The following IL1R1 variants were observed in gnomAD, a reference collection of about 807,000 sequenced individuals.
The protein encoded by IL1R1 is interleukin 1 receptor type 1.
IL1R1 carries 22 observed loss-of-function variants against 50.2 expected under a neutral mutation model. That is an observed-to-expected ratio of 0.44 (90% confidence interval 0.31 to 0.63). The LOEUF (loss-of-function observed/expected upper bound fraction) is 0.63. IL1R1 is among the 20% of genes least tolerant of loss of function. The probability of loss-of-function intolerance (pLI) is 0.07; values close to 1 mark genes in which losing one functional copy is unlikely to be tolerated. For missense variants in IL1R1, 509 were observed against 676.2 expected (o/e 0.75, Z 2.74); for synonymous variants, 251 against 236.7 (o/e 1.06, Z -0.55).
In IL1R1 at chr2:102,172,031, CTTTTTTTTTTTTTT is replaced by C. The variant is rs35265416; in HGVS notation, c.839+125_839+138del. The C allele has an allele frequency of 2.5e-4, 22 of 88,542 alleles. 1 individual carries two copies. The highest frequency in any genetic ancestry group is 3.8e-4 in the Non-Finnish European group (19 of 49,920). 5.5% of individuals were successfully genotyped at this position (88,542 alleles called of 1,614,324 possible). A position where few individuals can be genotyped will look rare whatever the true frequency, so the allele number is the denominator to read the frequency against. ...GTTAGTTGCTCCTAACCTTTGCTGC[CTTTTTTTTTTTTTT>C]TTTTTTTTTTTGCTAAGCTAAGTAG... On this transcript the variant is annotated intron_variant, in intron 8 of 11. Coordinates refer to ENST00000410023, the MANE Select transcript of IL1R1 (RefSeq NM_000877.4).
chr2:102,151,456 C>T (rs905657716), intron 1 of IL1R1, among the ~76,000 whole-genome samples: 1 of 152,202 alleles, frequency 6.6e-6, no homozygotes, highest in Non-Finnish European at 1.5e-5. Context: ...CTCCCTCTCT[C>T]CCTCCTTCCT....
intron 1 of IL1R1, among the ~76,000 whole-genome samples, chr2:102,125,548 T>C (rs889479334): frequency 6.6e-5 from 10 of 152,122 alleles, no homozygotes; most frequent in South Asian, 4.1e-4. Flanking sequence ...ATAGGCAAGA[T>C]ACAAGGAAGA....
rs1222300510 is a variant in IL1R1, at chr2:102,173,304, A to G, written c.991+466A>G. 3.9e-5 allele frequency among the ~76,000 whole-genome samples: 6 copies of G among 152,330 alleles called. No homozygotes were observed. In the East Asian group the frequency reaches 7.7e-4, roughly 20 times the overall value. ...AGGACATCAGAAGTCACTGGGTTTC[A>G]TGAATTGGTATAATAAAACATAATA... is the stretch of plus-strand genomic sequence containing the variant. On this transcript the variant is annotated intron_variant, in intron 9 of 11. Coordinates refer to ENST00000410023, the MANE Select transcript of IL1R1 (RefSeq NM_000877.4).
chr2:102,117,856 C>A (rs1341162145), intron 1 of IL1R1, among the ~76,000 whole-genome samples: 1 of 151,902 alleles, frequency 6.6e-6, no homozygotes. Context: ...GCTGTGAGTT[C>A]CTGGGAGTTT....
chr2:102,163,237 T>C (rs1684882987), intron 3 of IL1R1, among the ~76,000 whole-genome samples: 1 of 152,216 alleles, frequency 6.6e-6, no homozygotes, highest in South Asian at 2.1e-4. Flanking sequence ...TTATGTTTCT[T>C]TTGCTTGGGG....
At position 102,168,595 on chromosome 2, in the gene IL1R1, C is replaced by G; in HGVS notation, c.656-3C>G. ...ACAAACCTTATGGATGTTTTTCTTT[C>G]AGAGGAAAACAAACCCACAAGGCCT... On this transcript the variant is annotated splice_polypyrimidine_tract_variant and splice_region_variant and intron_variant, in intron 6 of 11. Transcript: ENST00000410023. 6.2e-7 allele frequency: 1 copy of G among 1,612,724 alleles called. No individual in the cohort carries two copies. Among genetic ancestry groups the G allele is most frequent in the Non-Finnish European group, 8.5e-7 (1 of 1,178,942 alleles).
Position 102,174,710 on chromosome 2 carries a change from A to T in IL1R1, c.1115A>T (p.Tyr372Phe). The T allele has an allele frequency of 6.2e-7, 1 of 1,608,436 alleles. No homozygotes were observed. ...DIVLWYRDSC[Y>F]DFLPIKASDG... Reference sequence around the variant, plus strand: ...GTGCTTTGGTACAGGGATTCCTGCTATGATTTTCTCCCAATAAAAGGTATA... The same window carrying T: ...GTGCTTTGGTACAGGGATTCCTGCTTTGATTTTCTCCCAATAAAAGGTATA... The change falls in exon 10 of 12, where the codon TAT becomes TTT. Residue 372 changes from tyrosine to phenylalanine, a missense_variant. Transcript: ENST00000410023.
intron 1 of IL1R1, among the ~76,000 whole-genome samples, chr2:102,074,128 A>C (rs1164527746): frequency 1.3e-5 from 2 of 152,192 alleles, no homozygotes; most frequent in Non-Finnish European, 2.9e-5. Context: ...ACTCTCAAAG[A>C]AGTTCAAATA....
chr2:102,103,054 T>C (rs924937619), upstream of IL1R1, among the ~76,000 whole-genome samples: 2 of 152,122 alleles, frequency 1.3e-5, no homozygotes, highest in African/African-American at 4.8e-5. Flanking sequence ...ACCATACTTA[T>C]TACCTAGGTT....
At chr2:102,150,556 G>A (rs990452281) in intron 1 of IL1R1, among the ~76,000 whole-genome samples, 4 of 152,200 alleles carry the variant, frequency 2.6e-5, no homozygotes, top group African/African-American at 7.2e-5. Context: ...CTGTAGTCAC[G>A]TTGTGATACG....
At chr2:102,115,971 C>T (rs958562522) in intron 1 of IL1R1, among the ~76,000 whole-genome samples, 1 of 152,132 alleles carries the variant, frequency 6.6e-6, no homozygotes, top group Non-Finnish European at 1.5e-5. Context: ...TTTTGACATC[C>T]AACCTTGCAG....
At chr2:102,168,910 C>A (rs934425750) in intron 7 of IL1R1, among the ~76,000 whole-genome samples, 13 of 152,030 alleles carry the variant, frequency 8.6e-5, no homozygotes, top group African/African-American at 2.9e-4. Context: ...AAAACACCAA[C>A]CAGACACCAA....
At chr2:102,113,968 C>T (rs1260154119) in intron 1 of IL1R1, among the ~76,000 whole-genome samples, 3 of 152,200 alleles carry the variant, frequency 2.0e-5, no homozygotes, top group Non-Finnish European at 4.4e-5. Flanking sequence ...GCTCTGTACA[C>T]ATCATTATGC....
At chr2:102,161,698 T>A in intron 3 of IL1R1, among the ~76,000 whole-genome samples, 1 of 152,122 alleles carries the variant, frequency 6.6e-6, no homozygotes, top group Admixed American at 6.5e-5. Flanking sequence ...TTTATTTATT[T>A]ATTTATTCAT....
intron 1 of IL1R1, among the ~76,000 whole-genome samples, chr2:102,152,098 G>A (rs1370765285): frequency 6.6e-6 from 1 of 152,116 alleles, no homozygotes; most frequent in Non-Finnish European, 1.5e-5. Context: ...GGAGCAGTGA[G>A]CTTAGAGGGC....
chr2:102,152,198 A>G (rs10183869), intron 1 of IL1R1, among the ~76,000 whole-genome samples: 24,200 of 151,790 alleles, frequency 0.16, 2,101 homozygotes, highest in East Asian at 0.25. Flanking sequence ...AAAGGAGGGA[A>G]AATGAGGCCA....
At chr2:102,157,692 C>G in intron 2 of IL1R1, 27 bp from the exon 3 acceptor site, 2 of 1,506,310 alleles carry the variant, frequency 1.3e-6, no homozygotes, top group East Asian at 2.3e-5. Context: ...TTGCTTTTGT[C>G]TTTCTTTCGT....
intron 1 of IL1R1, among the ~76,000 whole-genome samples, chr2:102,126,778 G>A (rs1320440080): frequency 6.6e-6 from 1 of 152,150 alleles, no homozygotes; most frequent in Non-Finnish European, 1.5e-5. Flanking sequence ...TTCTGCTCAG[G>A]TAGGGCTCTA....
chr2:102,133,143 C>G (rs886815275), intron 1 of IL1R1, among the ~76,000 whole-genome samples: 2 of 150,144 alleles, frequency 1.3e-5, no homozygotes, highest in African/African-American at 4.9e-5. Context: ...ACTAGGGAGG[C>G]TGAGGCAAGA....
Sources: gnomAD v4.1 joint callset for allele counts (sites outside exome capture counted in the v4.1 genomes callset) on GRCh38, gnomAD v4.1.1 for gene constraint, MANE v1.5 for transcripts, NCBI Gene and HGNC (gene_info 2026-07-23, HGNC 2026-07-21) for gene names.